Variants in FER observed in about 807,000 individuals in gnomAD.
The protein encoded by FER is FER tyrosine kinase.
Under a neutral mutation model 111.0 loss-of-function variants are expected in FER, and 63 were observed. That is an observed-to-expected ratio of 0.57 (90% CI 0.46 to 0.70). FER has a LOEUF of 0.70. Ranked by LOEUF, FER falls within the 30% of genes least tolerant of loss-of-function variation. The probability of loss-of-function intolerance (pLI) is 0.00; values close to 1 mark genes in which losing one functional copy is unlikely to be tolerated. For synonymous variants in FER, 327 were observed against 313.9 expected (o/e 1.04, Z -0.44); for missense variants, 914 against 954.0 (o/e 0.96, Z 0.55).
At chr5:108,783,024 AGGCTGGACC>A (rs1754272558) in intron 2 of FER, among the ~76,000 whole-genome samples, 1 of 152,202 alleles carries the variant, frequency 6.6e-6, no homozygotes, top group South Asian at 2.1e-4. Flanking sequence ...GCTCTACAGC[AGGCTGGACC>A]ATATTTCTTT....
chr5:108,865,712 C>A (rs1030769764), intron 5 of FER, among the ~76,000 whole-genome samples: 1 of 152,120 alleles, frequency 6.6e-6, no homozygotes, highest in Non-Finnish European at 1.5e-5. Context: ...TATCCAGAAT[C>A]TACAATGAAC....
At chr5:109,174,041 A>T (rs1757430596) in intron 17 of FER, among the ~76,000 whole-genome samples, 1 of 152,172 alleles carries the variant, frequency 6.6e-6, no homozygotes, top group Non-Finnish European at 1.5e-5. Flanking sequence ...AAAGAGAGAG[A>T]ACAGACACGC....
At chr5:108,771,570 C>T (rs1276028956) in intron 2 of FER, among the ~76,000 whole-genome samples, 1 of 152,146 alleles carries the variant, frequency 6.6e-6, no homozygotes, top group African/African-American at 2.4e-5. Context: ...ATGCTTCAAA[C>T]TGGTCTCCTC....
intron 17 of FER, among the ~76,000 whole-genome samples, chr5:109,131,219 C>T (rs1170499629): frequency 6.6e-6 from 1 of 152,124 alleles, no homozygotes; most frequent in East Asian, 1.9e-4. Context: ...AATTGAAAGA[C>T]CTCAACTGTT....
At chr5:109,008,197 C>A (rs1199417728) in intron 13 of FER, among the ~76,000 whole-genome samples, 1 of 152,114 alleles carries the variant, frequency 6.6e-6, no homozygotes, top group Non-Finnish European at 1.5e-5. Flanking sequence ...TTTATTAGTA[C>A]ATAAAATTGA....
In FER at chr5:109,096,892, G is replaced by A. The variant is rs1747599251; in HGVS notation, c.1925-3504G>A. ...TCCCTACTACAACCCTTTCTCATTTGTTTTTTACAAAATAACAACAACAAT... is the reference window on the plus strand; with the variant it reads ...TCCCTACTACAACCCTTTCTCATTTATTTTTTACAAAATAACAACAACAAT... On this transcript the variant is annotated intron_variant, in intron 16 of 19. Transcript: ENST00000281092. Among the ~76,000 whole-genome samples, 4 of 150,588 alleles carry A rather than the reference G, an allele frequency of 2.7e-5. No homozygotes were observed. In the South Asian group the frequency reaches 8.3e-4, roughly 31 times the overall value.
intron 17 of FER, among the ~76,000 whole-genome samples, chr5:109,147,570 A>G (rs1265046051): frequency 6.6e-6 from 1 of 152,074 alleles, no homozygotes; most frequent in Non-Finnish European, 1.5e-5. Flanking sequence ...TCTATAAACA[A>G]TAGTATGCCC....
chr5:109,185,211 T>G (rs1467151827), intron 18 of FER, among the ~76,000 whole-genome samples: 7 of 152,216 alleles, frequency 4.6e-5, no homozygotes, highest in Admixed American at 1.3e-4. Context: ...AAAAAAATTC[T>G]TAGAGCTTAG....
chr5:108,892,985 C>T (rs1241679056), intron 9 of FER, among the ~76,000 whole-genome samples: 10 of 151,960 alleles, frequency 6.6e-5, no homozygotes, highest in South Asian at 2.1e-4. Context: ...TGTAGATATG[C>T]GGCATTATTT....
intron 3 of FER, among the ~76,000 whole-genome samples, chr5:108,826,730 G>A (rs1008113524): frequency 1.3e-5 from 2 of 152,190 alleles, no homozygotes; most frequent in African/African-American, 4.8e-5. Flanking sequence ...ACAAAGGTCT[G>A]GGCTTTTTGA....
In FER at chr5:109,190,708, G is replaced by A. The variant is rs1336497107; in HGVS notation, c.*3133G>A. ...CCTGCCATGAGGTCTCCAGTGAGAG[G>A]TCTCCAGTGAAAGGTCTCATGTAAT... is the stretch of plus-strand genomic sequence containing the variant. On this transcript the variant is annotated 3_prime_UTR_variant, in exon 20 of 20. Coordinates refer to ENST00000281092, the MANE Select transcript of FER (RefSeq NM_005246.4). 3 of 152,240 alleles carry A rather than the reference G, an allele frequency of 2.0e-5. No homozygotes were observed. In the South Asian group the frequency reaches 6.2e-4, roughly 32 times the overall value. The allele number at this position is 152,240 out of a possible 1,614,324, so 9.4% of individuals were successfully genotyped here.
chr5:108,852,265 T>C (rs1762609606), intron 5 of FER, among the ~76,000 whole-genome samples: 1 of 152,178 alleles, frequency 6.6e-6, no homozygotes, highest in African/African-American at 2.4e-5. Flanking sequence ...TGATATTTTA[T>C]AGCCAATTAA....
intron 5 of FER, among the ~76,000 whole-genome samples, chr5:108,849,199 T>C (rs1184750083): frequency 1.3e-5 from 2 of 152,144 alleles, no homozygotes; most frequent in Non-Finnish European, 2.9e-5. Context: ...TTCATCAAAT[T>C]TGGAAAACTT....
intron 5 of FER, among the ~76,000 whole-genome samples, chr5:108,859,079 C>G (rs757566077): frequency 6.6e-6 from 1 of 151,982 alleles, no homozygotes; most frequent in Non-Finnish European, 1.5e-5. Context: ...GCCAAATTTC[C>G]TTCTATAAGG....
At chr5:109,146,652 G>A (rs898788908) in intron 17 of FER, among the ~76,000 whole-genome samples, 5 of 151,808 alleles carry the variant, frequency 3.3e-5, no homozygotes, top group Admixed American at 6.6e-5. Flanking sequence ...CATATATATC[G>A]TATAATTATG....
intron 17 of FER, among the ~76,000 whole-genome samples, chr5:109,145,648 G>C (rs1330774516): frequency 6.6e-6 from 1 of 151,940 alleles, no homozygotes; most frequent in African/African-American, 2.4e-5. Flanking sequence ...CAAAAATAAA[G>C]AAATGTTTTT....
At chr5:109,052,938 C>T (rs1773048289) in intron 16 of FER, among the ~76,000 whole-genome samples, 1 of 152,152 alleles carries the variant, frequency 6.6e-6, no homozygotes, top group Non-Finnish European at 1.5e-5. Context: ...GTTGATCTTG[C>T]AGTTTGAATG....
intron 17 of FER, among the ~76,000 whole-genome samples, chr5:109,171,321 A>G (rs537421232): frequency 3.3e-5 from 5 of 152,320 alleles, no homozygotes; most frequent in African/African-American, 9.6e-5. Flanking sequence ...TATACAGCTT[A>G]TTAAAGAAAA....
intron 16 of FER, among the ~76,000 whole-genome samples, chr5:109,094,802 C>A (rs1342439295): frequency 6.6e-6 from 1 of 152,118 alleles, no homozygotes; most frequent in Non-Finnish European, 1.5e-5. Flanking sequence ...ACCAAAATCA[C>A]CGCCTTAAAA....
Sources: allele counts gnomAD v4.1 joint callset (sites outside exome capture counted in the v4.1 genomes callset), GRCh38; gene constraint gnomAD v4.1.1; transcripts MANE v1.5; gene names NCBI Gene and HGNC (gene_info 2026-07-23, HGNC 2026-07-21).